The following RAPGEF6 variants were observed in gnomAD, a reference collection of about 807,000 sequenced individuals.
RAPGEF6 encodes the protein Rap guanine nucleotide exchange factor 6.
A neutral mutation model predicts 171.4 loss-of-function variants in RAPGEF6; 56 were observed. The observed-to-expected ratio is 0.33, with a 90% confidence interval of 0.26 to 0.41. The LOEUF is 0.41. RAPGEF6 is among the 10% of genes least tolerant of loss of function. The probability of loss-of-function intolerance (pLI) is 1.00; values close to 1 mark genes in which losing one functional copy is unlikely to be tolerated. For synonymous variants in RAPGEF6, 692 were observed against 650.1 expected, an observed-to-expected ratio of 1.06 and a Z score of -0.98; for missense variants, 1,674 against 1,921.4, an observed-to-expected ratio of 0.87 and a Z score of 2.41.
chr5:131,554,923 T>TAAAGGAGGGAAAATAAAA (rs1237123525), intron 5 of RAPGEF6, among the ~76,000 whole-genome samples: 87 of 149,464 alleles, frequency 5.8e-4, no homozygotes, highest in African/African-American at 2.1e-3. Flanking sequence ...GAACTTAAAA[T>TAAAGGAGGGAAAATAAAA]AAAGGAGGGA....
At chr5:131,568,067 C>A (rs1245654688) in intron 4 of RAPGEF6, among the ~76,000 whole-genome samples, 2 of 152,176 alleles carry the variant, frequency 1.3e-5, no homozygotes, top group African/African-American at 4.8e-5. Flanking sequence ...TGTGCTTTTA[C>A]AGCTAAAGTG....
chr5:131,585,118 T>C (rs1763168844), intron 4 of RAPGEF6, among the ~76,000 whole-genome samples: 1 of 152,168 alleles, frequency 6.6e-6, no homozygotes, highest in Admixed American at 6.5e-5. Flanking sequence ...TATGTGGATA[T>C]TTGATTTACA....
At chr5:131,450,937 T>C (rs530710837) in intron 21 of RAPGEF6, among the ~76,000 whole-genome samples, 1 of 152,338 alleles carries the variant, frequency 6.6e-6, no homozygotes, top group Admixed American at 6.5e-5. Flanking sequence ...GGCTAGTACT[T>C]AGTATATTAT....
At chr5:131,488,626 TC>T (rs918695723) in intron 15 of RAPGEF6, among the ~76,000 whole-genome samples, 1 of 152,094 alleles carries the variant, frequency 6.6e-6, no homozygotes, top group African/African-American at 2.4e-5. Flanking sequence ...TCAAAGGGAC[TC>T]AAAAAGAGGA....
At chr5:131,606,650 G>C (rs1360136251) in intron 1 of RAPGEF6, among the ~76,000 whole-genome samples, 2 of 152,200 alleles carry the variant, frequency 1.3e-5, no homozygotes, top group African/African-American at 4.8e-5. Context: ...AGTCTTGCCA[G>C]TTACCCATCA....
intron 4 of RAPGEF6, among the ~76,000 whole-genome samples, chr5:131,591,295 C>T (rs552633667): frequency 1.3e-5 from 2 of 152,222 alleles, no homozygotes; most frequent in East Asian, 3.9e-4. Context: ...TACGTTGAGG[C>T]CCTAAAATCT....
chr5:131,596,068 C>T (rs1023653967), intron 3 of RAPGEF6, among the ~76,000 whole-genome samples: 5 of 151,328 alleles, frequency 3.3e-5, no homozygotes, highest in African/African-American at 7.3e-5. Context: ...GCACAAGAAT[C>T]GCTTGAACAC....
intron 2 of RAPGEF6, among the ~76,000 whole-genome samples, chr5:131,603,985 G>T (rs528424269): frequency 6.6e-6 from 1 of 152,002 alleles, no homozygotes; most frequent in Admixed American, 6.6e-5. Flanking sequence ...TATAGCACTC[G>T]AAAGTGTTTT....
intron 16 of RAPGEF6, among the ~76,000 whole-genome samples, chr5:131,476,031 A>G (rs1755066756): frequency 6.6e-6 from 1 of 152,238 alleles, no homozygotes; most frequent in Non-Finnish European, 1.5e-5. Context: ...AAACTTGTAA[A>G]ATACAGAAAG....
At chr5:131,532,956 C>G (rs1759496476) in intron 6 of RAPGEF6, 1 of 152,532 alleles carries the variant, frequency 6.6e-6, no homozygotes, top group Admixed American at 6.6e-5. Context: ...TTTCTACTGT[C>G]CTTGCCTGTT....
intron 16 of RAPGEF6, among the ~76,000 whole-genome samples, chr5:131,478,560 C>G (rs1755262229): frequency 6.6e-6 from 1 of 152,198 alleles, no homozygotes; most frequent in Non-Finnish European, 1.5e-5. Flanking sequence ...TCAAACCTAA[C>G]AAGTTTGTTC....
At chr5:131,634,881 G>A (rs1766540451) in intron 1 of RAPGEF6, 81 bp downstream of exon 1, 2 of 1,487,214 alleles carry the variant, frequency 1.3e-6, no homozygotes, top group East Asian at 2.3e-5. Context: ...TGGCAAGAGG[G>A]CAGTCGCCGC....
Position 131,607,056 on chromosome 5 carries a change from C to T in RAPGEF6, c.70-2363G>A, listed in dbSNP as rs543451451. 4.6e-5 allele frequency among the ~76,000 whole-genome samples: 7 copies of T among 152,300 alleles called. No homozygotes were observed. In the South Asian group the frequency reaches 8.3e-4, roughly 18 times the overall value. ...GATCCACCTAATAATGGTCATTCCCCACTCCCTCAGTTTATAATTAGAATT... is the reference window on the plus strand; with the variant it reads ...GATCCACCTAATAATGGTCATTCCCTACTCCCTCAGTTTATAATTAGAATT... On this transcript the variant is annotated intron_variant, in intron 1 of 27. Transcript: ENST00000509018.
In RAPGEF6 at chr5:131,489,654, T is replaced by C. The variant is rs572162359; in HGVS notation, c.1732A>G (p.Ile578Val). Residue 578 changes from isoleucine to valine, a missense_variant and splice_region_variant, in exon 15 of 28, where the codon ATT (isoleucine) becomes GTT (valine). Physicochemically the swap from Ile to Val is conservative, Grantham distance 29. This residue lies in a region of RAPGEF6 where 1,116 missense variants were observed against 1,321.5 expected (regional missense o/e 0.84). Transcript: ENST00000509018. ...ADSGLKRGDQ[I>V]MEVNGQNFEN... ...AAGTTTTGTCCATTTACTTCCATAA[T>C]CTTAAAAGTATTTAAAAAATACAAA... The C allele has an allele frequency of 4.6e-5, 68 of 1,494,408 alleles. No homozygotes were observed. The East Asian group carries it at 1.5e-3, about 32-fold the overall frequency. The allele number at this position is 1,494,408 out of a possible 1,614,324, so 92.6% of individuals were successfully genotyped here.
chr5:131,478,521 C>T (rs1755259594), intron 16 of RAPGEF6, among the ~76,000 whole-genome samples: 1 of 152,172 alleles, frequency 6.6e-6, no homozygotes, highest in South Asian at 2.1e-4. Context: ...TGCTCTGGCT[C>T]TAGTTACATA....
At chr5:131,630,377 A>G (rs1027396341) in intron 1 of RAPGEF6, among the ~76,000 whole-genome samples, 54 of 152,254 alleles carry the variant, frequency 3.5e-4, no homozygotes, top group Non-Finnish European at 5.9e-4. Context: ...TTTTATGTGC[A>G]CTAGGAAATA....
At chr5:131,439,368 G>C (rs1258994351) in intron 24 of RAPGEF6, among the ~76,000 whole-genome samples, 1 of 152,094 alleles carries the variant, frequency 6.6e-6, no homozygotes, top group Non-Finnish European at 1.5e-5. Flanking sequence ...TGAAGTTTAG[G>C]ACCACACTTT....
At chr5:131,532,921 G>T (rs1008514366) in intron 6 of RAPGEF6, 1 of 152,564 alleles carries the variant, frequency 6.6e-6, no homozygotes, top group African/African-American at 2.4e-5. Context: ...TTCTGCTAAA[G>T]CAAGACTGAA....
chr5:131,473,186 A>C (rs566548513), intron 16 of RAPGEF6, among the ~76,000 whole-genome samples: 1 of 152,342 alleles, frequency 6.6e-6, no homozygotes, highest in Non-Finnish European at 1.5e-5. Context: ...GTCTACATTC[A>C]AACCAAAAAC....
Sources: allele counts gnomAD v4.1 joint callset (sites outside exome capture counted in the v4.1 genomes callset), GRCh38; gene constraint gnomAD v4.1.1; regional missense constraint gnomAD v4.1.1; transcripts MANE v1.5; gene names NCBI Gene and HGNC (gene_info 2026-07-23, HGNC 2026-07-21).